The following TNFRSF10B variants were observed in gnomAD, a reference collection of about 807,000 sequenced individuals.
TNFRSF10B encodes the protein tumor necrosis factor receptor superfamily member 10B.
A neutral mutation model predicts 41.4 loss-of-function variants in TNFRSF10B; 35 were observed. The observed-to-expected ratio is 0.85, with a 90% CI of 0.65 to 1.12. The LOEUF is 1.12. Ranked by LOEUF, TNFRSF10B falls within the 50% of genes most tolerant of loss-of-function variation. The pLI, the probability that TNFRSF10B is intolerant of heterozygous loss-of-function variation, is 0.00. For missense variants in TNFRSF10B, 584 were observed against 552.7 expected (o/e 1.06, Z -0.57); for synonymous variants, 230 against 215.5 (o/e 1.07, Z -0.59).
chr8:23,022,151 T>G lies in TNFRSF10B; in HGVS notation c.*520A>C, dbSNP rs1811547870. On this transcript the variant is annotated 3_prime_UTR_variant, in exon 9 of 9. Coordinates refer to ENST00000276431, the MANE Select transcript of TNFRSF10B (RefSeq NM_003842.5). The stretch of plus-strand genomic sequence containing the variant: ...GGTGCACACCTGTGGTCCCAGCTAT[T>G]TGGATGGCTGAGGTGGGAGAATCGC... 2.2e-6 allele frequency: 1 copy of G among 447,168 alleles called. No homozygotes were observed. Among genetic ancestry groups the G allele is most frequent in the African/African-American group, 2.0e-5 (1 of 49,772 alleles). The allele number at this position is 447,168 out of a possible 1,614,324, so 27.7% of individuals were successfully genotyped here. A position where few individuals can be genotyped will look rare whatever the true frequency, so the allele number is the denominator to read the frequency against.
chr8:23,068,970 T>C lies in TNFRSF10B; in HGVS notation c.-76A>G, dbSNP rs746602066. ...TAAAGTAGATCGGGCATCGTCGGTGTATTTTGTGGGCGCAGAGATTGCGGG... is the reference window on the plus strand; with the variant it reads ...TAAAGTAGATCGGGCATCGTCGGTGCATTTTGTGGGCGCAGAGATTGCGGG... On this transcript the variant is annotated 5_prime_UTR_variant, in exon 1 of 9. It adds an upstream start codon to the 5' untranslated region. Transcript: ENST00000276431. 1.9e-6 allele frequency: 3 copies of C among 1,601,108 alleles called. No homozygotes were observed. In the South Asian group the frequency reaches 3.3e-5, roughly 18 times the overall value.
intron 3 of TNFRSF10B, among the ~76,000 whole-genome samples, 172 bp from the exon 4 acceptor site, chr8:23,029,893 T>C (rs1046678729): frequency 1.1e-4 from 16 of 152,230 alleles, no homozygotes; most frequent in Non-Finnish European, 2.9e-5. Flanking sequence ...ACCCTTCAGC[T>C]GTCACTAACA....
In TNFRSF10B at chr8:23,068,802, C is replaced by T. The variant is rs373092672; in HGVS notation, c.93G>A (p.Gly31=). The change falls in exon 1 of 9, where the codon GGG becomes GGA. Residue 31 remains glycine (G), a synonymous_variant. Transcript: ENST00000276431. ...GPREARGARP[G]PRVPKTLVLV... ...GCACAAGGGTCTTGGGGACCCGGGG[C>T]CCAGGCCTGGCTCCCCGCGCCTCCC... is the stretch of plus-strand genomic sequence containing the variant. 1 of 1,610,636 alleles carries T rather than the reference C, an allele frequency of 6.2e-7. No homozygotes were observed. Among genetic ancestry groups the T allele is most frequent in the East Asian group, 2.2e-5 (1 of 44,828 alleles).
chr8:23,052,199 GAT>G (rs1812540022), intron 1 of TNFRSF10B, among the ~76,000 whole-genome samples: 3 of 151,284 alleles, frequency 2.0e-5, no homozygotes. Flanking sequence ...TTAAACAACA[GAT>G]ATCTAATTAT....
intron 2 of TNFRSF10B, among the ~76,000 whole-genome samples, chr8:23,035,971 G>A (rs919617051): frequency 3.3e-5 from 5 of 152,180 alleles, no homozygotes; most frequent in Non-Finnish European, 4.4e-5. Flanking sequence ...CAGACCCAAC[G>A]GTGCTTGAAG....
intron 1 of TNFRSF10B, among the ~76,000 whole-genome samples, chr8:23,064,200 C>T (rs573856386): frequency 3.3e-5 from 5 of 152,302 alleles, no homozygotes; most frequent in South Asian, 2.1e-4. Context: ...CAAATGCCAT[C>T]GGTGGCAGGG....
In TNFRSF10B at chr8:23,041,356, G is replaced by A. The variant is rs913813350; in HGVS notation, c.250+1782C>T. 6.0e-5 allele frequency among the ~76,000 whole-genome samples: 9 copies of A among 149,416 alleles called. No homozygotes were observed. In the South Asian group the frequency reaches 9.2e-4, roughly 15 times the overall value. On this transcript the variant is annotated intron_variant, in intron 2 of 8. Coordinates refer to ENST00000276431, the MANE Select transcript of TNFRSF10B (RefSeq NM_003842.5). Reference sequence around the variant, plus strand: ...ACAGGTGTGAGTCACTGCGCCCGGCGTTATATGGGAATTTTTATTAGAATT... The same window carrying A: ...ACAGGTGTGAGTCACTGCGCCCGGCATTATATGGGAATTTTTATTAGAATT...
chr8:23,028,269 A>G (rs1585207253), intron 5 of TNFRSF10B, 62 bp downstream of exon 5: 1 of 1,609,982 alleles, frequency 6.2e-7, no homozygotes, highest in Non-Finnish European at 8.5e-7. Flanking sequence ...TGTCTGTGGG[A>G]ATAGGGTGGG....
At chr8:23,035,180 C>T (rs966100347) in intron 2 of TNFRSF10B, among the ~76,000 whole-genome samples, 4 of 151,828 alleles carry the variant, frequency 2.6e-5, no homozygotes, top group Non-Finnish European at 5.9e-5. Context: ...CTTGCTCTGT[C>T]TCTCAGGCTG....
intron 3 of TNFRSF10B, among the ~76,000 whole-genome samples, chr8:23,030,465 A>G (rs1274659618): frequency 1.3e-5 from 2 of 152,004 alleles, no homozygotes; most frequent in Non-Finnish European, 2.9e-5. Context: ...GGCACGCGCC[A>G]CCATGCCCGG....
rs963654899 is a variant in TNFRSF10B, at chr8:23,027,912, T to C, written c.749-159A>G. 10 of 777,764 alleles carry C rather than the reference T, an allele frequency of 1.3e-5. No homozygotes were observed. In the African/African-American group the frequency reaches 1.7e-4, roughly 14 times the overall value. The allele number at this position is 777,764 out of a possible 1,614,324, so 48.2% of individuals were successfully genotyped here. ...GGGGCCTTACAACTCAGAGACACCCTGAGGAAGGGGGATGAGAAGGGGAAC... is the reference window on the plus strand; with the variant it reads ...GGGGCCTTACAACTCAGAGACACCCCGAGGAAGGGGGATGAGAAGGGGAAC... On this transcript the variant is annotated intron_variant, in intron 5 of 8. Coordinates refer to ENST00000276431, the MANE Select transcript of TNFRSF10B (RefSeq NM_003842.5).
intron 3 of TNFRSF10B, 21 bp from the exon 4 acceptor site, chr8:23,029,742 T>A: frequency 6.2e-7 from 1 of 1,606,782 alleles, no homozygotes. Flanking sequence ...AGCATAAGGT[T>A]TTGGGAATGT....
intron 1 of TNFRSF10B, among the ~76,000 whole-genome samples, chr8:23,045,774 T>C (rs1242205269): frequency 6.6e-6 from 1 of 152,204 alleles, no homozygotes; most frequent in East Asian, 1.9e-4. Flanking sequence ...GATGCAAAGA[T>C]GGTTCAACAT....
chr8:23,050,514 G>A (rs1427299341), intron 1 of TNFRSF10B, among the ~76,000 whole-genome samples: 2 of 151,848 alleles, frequency 1.3e-5, no homozygotes, highest in East Asian at 3.9e-4. Flanking sequence ...CGTGTTTTTG[G>A]TTTTATTTCT....
At chr8:23,054,084 C>T (rs1022354686) in intron 1 of TNFRSF10B, among the ~76,000 whole-genome samples, 1 of 152,136 alleles carries the variant, frequency 6.6e-6, no homozygotes, top group Non-Finnish European at 1.5e-5. Context: ...TTGTTTTGGT[C>T]CTCTTTAGAA....
At chr8:23,050,386 A>G (rs1454506045) in intron 1 of TNFRSF10B, among the ~76,000 whole-genome samples, 1 of 152,152 alleles carries the variant, frequency 6.6e-6, no homozygotes, top group East Asian at 1.9e-4. Context: ...TGGGAAGGAG[A>G]AAGATTTTTT....
rs114018613 is a variant in TNFRSF10B, at chr8:23,022,056, C to T, written c.*615G>A. 1,774 of 443,834 alleles carry T rather than the reference C, an allele frequency of 4.0e-3. 21 individuals are homozygous for T. The highest frequency in any genetic ancestry group is 0.032 in the African/African-American group (1,606 of 49,570). 27.5% of individuals were successfully genotyped at this position (443,834 alleles called of 1,614,324 possible). A position where few individuals can be genotyped will look rare whatever the true frequency, so the allele number is the denominator to read the frequency against. On this transcript the variant is annotated 3_prime_UTR_variant, in exon 9 of 9. Transcript: ENST00000276431. Reference sequence around the variant, plus strand: ...GGCAGACTGCTTGAGTCCAGGAATTCGAGACCACCCTGAGCAACATAGAGA... The same window carrying T: ...GGCAGACTGCTTGAGTCCAGGAATTTGAGACCACCCTGAGCAACATAGAGA...
Position 23,022,997 on chromosome 8 carries a change from G to T in TNFRSF10B, c.1010-13C>A, listed in dbSNP as rs1424143520. 6.2e-7 allele frequency: 1 copy of T among 1,608,334 alleles called. No individual in the cohort carries two copies. Among genetic ancestry groups the T allele is most frequent in the South Asian group, 1.1e-5 (1 of 91,060 alleles). On this transcript the variant is annotated splice_polypyrimidine_tract_variant and intron_variant, in intron 8 of 8. Coordinates refer to ENST00000276431, the MANE Select transcript of TNFRSF10B (RefSeq NM_003842.5). Reference sequence around the variant, plus strand: ...CACTGTCTCAGAGCTGGTGGAGAAAGCCACAGAGACAGCCAGGTGAGTTGG... The same window carrying T: ...CACTGTCTCAGAGCTGGTGGAGAAATCCACAGAGACAGCCAGGTGAGTTGG...
chr8:23,024,356 G>A (rs149839716), intron 7 of TNFRSF10B, 96 bp from the exon 8 acceptor site: 9 of 1,313,868 alleles, frequency 6.8e-6, no homozygotes, highest in African/African-American at 1.4e-5. Context: ...CCTGCAGCAC[G>A]TCACTTCCAG....
Sources: gnomAD v4.1 joint callset for allele counts (sites outside exome capture counted in the v4.1 genomes callset) on GRCh38, gnomAD v4.1.1 for gene constraint, MANE v1.5 for transcripts, NCBI Gene and HGNC (gene_info 2026-07-23, HGNC 2026-07-21) for gene names.